Variants in BABAM1 observed in about 807,000 individuals in gnomAD.
BABAM1 encodes the protein BRISC and BRCA1 A complex member 1.
Under a neutral mutation model 34.4 loss-of-function variants are expected in BABAM1, and 14 were observed. The ratio of observed to expected loss-of-function variants is 0.41; its 90% confidence interval spans 0.27 to 0.64. The LOEUF is 0.64. BABAM1 is among the 30% of genes least tolerant of loss of function. The probability of loss-of-function intolerance (pLI) is 0.34; values close to 1 mark genes in which losing one functional copy is unlikely to be tolerated. For missense variants in BABAM1, 393 were observed against 434.0 expected (o/e 0.91, Z 0.84); for synonymous variants, 169 against 165.8 (o/e 1.02, Z -0.15).
chr19:17,269,172 T>C (rs947720637), intron 2 of BABAM1, 81 bp downstream of exon 2: 22 of 1,420,898 alleles, frequency 1.5e-5, no homozygotes, highest in Non-Finnish European at 2.0e-5. Flanking sequence ...CTGCAAACAT[T>C]CCCTTTGTAT....
chr19:17,276,917 GC>G lies in BABAM1; in HGVS notation c.786+9del. 6.3e-7 allele frequency: 1 copy of G among 1,587,994 alleles called. No individual in the cohort carries two copies. On this transcript the variant is annotated intron_variant, in intron 8 of 8. Coordinates refer to ENST00000598188, the MANE Select transcript of BABAM1 (RefSeq NM_014173.4). ...GAGGAGATGAGTTGGAAGGTGAGAG[GC>G]TGCAGCAGGTGTGAGTAGCAGGCGG...
intron 2 of BABAM1, among the ~76,000 whole-genome samples, chr19:17,269,929 CTT>C (rs1229409830): frequency 1.1e-4 from 14 of 126,224 alleles, no homozygotes; most frequent in Admixed American, 3.2e-4. Context: ...TTCTTTCTTT[CTT>C]TTTTTTTTTT....
chr19:17,273,507 TATC>T lies in BABAM1; in HGVS notation c.345-394_345-392del, dbSNP rs374680564. ...AGTATGACCTATACCTCCAGGGCCT[TATC>T]ATGCAGGGTTTTCAGAGGAGGGTGG... On this transcript the variant is annotated intron_variant, in intron 3 of 8. Coordinates refer to ENST00000598188, the MANE Select transcript of BABAM1 (RefSeq NM_014173.4). Among the ~76,000 whole-genome samples the T allele has an allele frequency of 8.6e-5, 13 of 151,558 alleles. No homozygotes were observed. In the South Asian group the frequency reaches 2.3e-3, roughly 27 times the overall value.
intron 2 of BABAM1, 35 bp downstream of exon 2, chr19:17,269,126 CTAGGGAACCTAGCATCTTG>C (rs1391898000): frequency 6.5e-7 from 1 of 1,532,918 alleles, no homozygotes; most frequent in Non-Finnish European, 8.8e-7. Context: ...CTCTGAGATG[CTAGGGAACCTAGCATCTTG>C]TCTTTTGGGA....
chr19:17,272,886 T>C (rs1209168111), intron 3 of BABAM1, among the ~76,000 whole-genome samples: 1 of 151,838 alleles, frequency 6.6e-6, no homozygotes, highest in Non-Finnish European at 1.5e-5. Flanking sequence ...GGCACGGTGG[T>C]GCGTGCCTGT....
At chr19:17,274,059 C>G (rs1391801614) in intron 4 of BABAM1, 35 bp downstream of exon 4, 57 of 1,613,576 alleles carry the variant, frequency 3.5e-5, no homozygotes, top group Non-Finnish European at 4.7e-5. Context: ...GCCCTGGGGT[C>G]CCCTGGGGCC....
chr19:17,268,971 C>T lies in BABAM1; in HGVS notation c.165C>T (p.Ala55=), dbSNP rs144376330. 2.9e-4 allele frequency: 457 copies of T among 1,575,892 alleles called. No homozygotes were observed. The East Asian group carries it at 7.2e-3, about 25-fold the overall frequency. Reference sequence around the variant, plus strand: ...GCCGCAGCGAGGGTGAGGGTGAGGCCGCCAGTGCTGATGATGGGAGCCTCA... The same window carrying T: ...GCCGCAGCGAGGGTGAGGGTGAGGCTGCCAGTGCTGATGATGGGAGCCTCA... The part of the protein sequence containing the change: ...VGSRSEGEGE[A]ASADDGSLNT... The change falls in exon 2 of 9, where the codon GCC becomes GCT. Residue 55 remains alanine (A), a synonymous_variant. Coordinates refer to ENST00000598188, the MANE Select transcript of BABAM1 (RefSeq NM_014173.4).
chr19:17,268,989 G>A lies in BABAM1; in HGVS notation c.183G>A (p.Gly61=), dbSNP rs964024170. 1 of 1,582,168 alleles carries A rather than the reference G, an allele frequency of 6.3e-7. No homozygotes were observed. The highest frequency in any genetic ancestry group is 8.6e-7 in the Non-Finnish European group (1 of 1,165,174). The part of the protein sequence containing the change: ...GEGEAASADD[G]SLNTSGAGPK... ...GTGAGGCCGCCAGTGCTGATGATGG[G>A]AGCCTCAACACTTCAGGAGCCGGCC... The change falls in exon 2 of 9, where the codon GGG becomes GGA. Residue 61 remains glycine (G), a synonymous_variant. Transcript: ENST00000598188.
intron 6 of BABAM1, chr19:17,276,270 GGTTGCAGT>G: frequency 1.6e-6 from 1 of 610,986 alleles, no homozygotes; most frequent in Non-Finnish European, 2.8e-6. Context: ...GGGAGGTAGA[GGTTGCAGT>G]GAGCCGAGAT....
chr19:17,278,869 C>T lies in BABAM1; in HGVS notation c.811C>T (p.Leu271=), dbSNP rs1458816554. The T allele has an allele frequency of 8.7e-6, 14 of 1,613,236 alleles. No homozygotes were observed. The highest frequency in any genetic ancestry group is 1.0e-5 in the Non-Finnish European group (12 of 1,179,732). The change falls in exon 9 of 9, where the codon CTG becomes TTG. Residue 271 remains leucine (L), a synonymous_variant. Coordinates refer to ENST00000598188, the MANE Select transcript of BABAM1 (RefSeq NM_014173.4). ...GGATATGTTTGCCTTCATGGGCAGC[C>T]TGGATACCAAGGGTACCAGCTACAA... The part of the protein sequence containing the change: ...WKDMFAFMGS[L]DTKGTSYKYE...
rs532854486 is a variant in BABAM1, at chr19:17,272,916, G to C, written c.345-988G>C. 2.0e-5 allele frequency among the ~76,000 whole-genome samples: 3 copies of C among 152,218 alleles called. No individual in the cohort carries two copies. The South Asian group carries it at 6.2e-4, about 32-fold the overall frequency. The stretch of plus-strand genomic sequence containing the variant: ...GCCTGTAATCCCAGCTACTCGGGAG[G>C]CTGAGGCAGGAGAATCGTTTGAATC... On this transcript the variant is annotated intron_variant, in intron 3 of 8. Coordinates refer to ENST00000598188, the MANE Select transcript of BABAM1 (RefSeq NM_014173.4).
At chr19:17,271,411 C>T (rs961216011) in intron 2 of BABAM1, among the ~76,000 whole-genome samples, 186 bp from the exon 3 acceptor site, 2 of 152,180 alleles carry the variant, frequency 1.3e-5, no homozygotes, top group African/African-American at 4.8e-5. Context: ...ATTTACTTAT[C>T]TACTTGGACT....
intron 7 of BABAM1, 32 bp from the exon 8 acceptor site, chr19:17,276,791 C>T (rs775022844): frequency 1.9e-6 from 3 of 1,585,528 alleles, no homozygotes; most frequent in Non-Finnish European, 2.6e-6. Context: ...GACCCAAGCC[C>T]CAGAGGCTGG....
chr19:17,269,198 G>C lies in BABAM1; in HGVS notation c.285+107G>C, dbSNP rs2073807951. 10 of 1,318,802 alleles carry C rather than the reference G, an allele frequency of 7.6e-6. No homozygotes were observed. The East Asian group carries it at 2.6e-4, about 34-fold the overall frequency. The allele number at this position is 1,318,802 out of a possible 1,614,324, so 81.7% of individuals were successfully genotyped here. ...CCCTTTGTATTCGTTACCTGTGGCTGCCACAAGTCACCGTGGACTTGGTAG... is the reference window on the plus strand; with the variant it reads ...CCCTTTGTATTCGTTACCTGTGGCTCCCACAAGTCACCGTGGACTTGGTAG... On this transcript the variant is annotated intron_variant, in intron 2 of 8. Transcript: ENST00000598188.
rs748484311 is a variant in BABAM1 at position 17,273,973 on chromosome 19, C to G, written c.414C>G (p.Ile138Met). 1 of 1,613,794 alleles carries G rather than the reference C, an allele frequency of 6.2e-7. No individual in the cohort carries two copies. Among genetic ancestry groups the G allele is most frequent in the African/African-American group, 1.3e-5 (1 of 74,904 alleles). The change falls in exon 4 of 9, where the codon ATC (isoleucine) becomes ATG (methionine). Residue 138 changes from isoleucine to methionine, a missense_variant. Ile to Met is a conservative substitution (Grantham distance 10, BLOSUM62 1). Transcript: ENST00000598188. Reference protein sequence around the residue: ...IEMFVRTKHKIDKSHEFALVV... With the variant: ...IEMFVRTKHKMDKSHEFALVV... ...TGTTCGTGCGGACAAAACACAAGAT[C>G]GACAAAAGCCACGAGTTTGCACTGG...
intron 2 of BABAM1, among the ~76,000 whole-genome samples, 198 bp from the exon 3 acceptor site, chr19:17,271,399 T>G (rs976185327): frequency 2.0e-5 from 3 of 152,210 alleles, no homozygotes; most frequent in Non-Finnish European, 4.4e-5. Flanking sequence ...TCTGGCTCAT[T>G]TATTTACTTA....
chr19:17,273,901 C>T lies in BABAM1; in HGVS notation c.345-3C>T. Reference sequence around the variant, plus strand: ...AATTCCCCTGTACTCTCTGCCTCCCCAGCTCCAAAACCAACGCCCTCAATG... The same window carrying T: ...AATTCCCCTGTACTCTCTGCCTCCCTAGCTCCAAAACCAACGCCCTCAATG... On this transcript the variant is annotated splice_polypyrimidine_tract_variant and splice_region_variant and intron_variant, in intron 3 of 8. Coordinates refer to ENST00000598188, the MANE Select transcript of BABAM1 (RefSeq NM_014173.4). 6.2e-7 allele frequency: 1 copy of T among 1,605,614 alleles called. No homozygotes were observed. The highest frequency in any genetic ancestry group is 8.5e-7 in the Non-Finnish European group (1 of 1,176,266).
At chr19:17,270,524 CTTTTTTTTTTT>C (rs955870596) in intron 2 of BABAM1, among the ~76,000 whole-genome samples, 1 of 125,894 alleles carries the variant, frequency 7.9e-6, no homozygotes, top group South Asian at 2.5e-4. Flanking sequence ...AGGTCACATT[CTTTTTTTTTTT>C]TTTTTTTTTG....
chr19:17,273,313 CCTT>C (rs1443257404), intron 3 of BABAM1, among the ~76,000 whole-genome samples: 4 of 152,122 alleles, frequency 2.6e-5, no homozygotes, highest in Non-Finnish European at 5.9e-5. Flanking sequence ...GAAGGTGACA[CCTT>C]CTTCCCCTCA....
Sources: gnomAD v4.1 joint callset for allele counts (sites outside exome capture counted in the v4.1 genomes callset) on GRCh38, gnomAD v4.1.1 for gene constraint, MANE v1.5 for transcripts, NCBI Gene and HGNC (gene_info 2026-07-23, HGNC 2026-07-21) for gene names.